HEMK2: variants seen among roughly 807,000 people sequenced by gnomAD.
HEMK2 encodes the protein methyltransferase HEMK2.
chr21:28,788,553 A>G, the HEMK2 span, among the ~76,000 whole-genome samples: 1 of 152,142 alleles, frequency 6.6e-6, no homozygotes, highest in African/African-American at 2.4e-5. Context: ...AAGGGATAAA[A>G]GACTACAAAT....
the HEMK2 span, among the ~76,000 whole-genome samples, chr21:28,628,208 C>T: frequency 2.0e-5 from 3 of 152,054 alleles, no homozygotes; most frequent in Non-Finnish European, 1.5e-5. Context: ...TGTATGTATA[C>T]AATACATACA....
the HEMK2 span, among the ~76,000 whole-genome samples, chr21:28,812,934 T>C: frequency 5.9e-5 from 9 of 152,350 alleles, no homozygotes; most frequent in East Asian, 9.7e-4. Flanking sequence ...GAGGTGTTTA[T>C]AGTACTCTCT....
the HEMK2 span, among the ~76,000 whole-genome samples, chr21:28,576,755 G>C: frequency 1.3e-5 from 2 of 152,106 alleles, no homozygotes; most frequent in Non-Finnish European, 2.9e-5. Flanking sequence ...GTGTCACCCA[G>C]GCTGGAGTAC....
At chr21:28,739,081 C>A in the HEMK2 span, among the ~76,000 whole-genome samples, 1 of 151,944 alleles carries the variant, frequency 6.6e-6, no homozygotes, top group Non-Finnish European at 1.5e-5. Flanking sequence ...TAAAATGAAA[C>A]CAAAAAAACC....
At chr21:28,660,997 T>C in the HEMK2 span, among the ~76,000 whole-genome samples, 2 of 152,126 alleles carry the variant, frequency 1.3e-5, no homozygotes, top group African/African-American at 2.4e-5. Flanking sequence ...CCATTTCTTC[T>C]AAATTTCCAA....
At chr21:28,679,536 C>T in the HEMK2 span, among the ~76,000 whole-genome samples, 29 of 152,188 alleles carry the variant, frequency 1.9e-4, no homozygotes, top group Middle Eastern at 3.4e-3. Context: ...AACTCAGCTC[C>T]GCACCAAGAG....
the HEMK2 span, chr21:28,879,767 C>CT: frequency 1.2e-6 from 1 of 834,096 alleles, no homozygotes; most frequent in Non-Finnish European, 1.8e-6. Flanking sequence ...TCAGAGTAGT[C>CT]TGTGATAGCA....
At chr21:28,808,357 A>C in the HEMK2 span, among the ~76,000 whole-genome samples, 1 of 151,844 alleles carries the variant, frequency 6.6e-6, no homozygotes, top group Admixed American at 6.6e-5. Context: ...GAAATGTTCT[A>C]GATCCCTTGC....
the HEMK2 span, among the ~76,000 whole-genome samples, chr21:28,823,024 A>G: frequency 6.6e-6 from 1 of 152,212 alleles, no homozygotes; most frequent in African/African-American, 2.4e-5. Flanking sequence ...GGCATGGCTC[A>G]GAAAACAAAA....
At chr21:28,668,292 G>A in the HEMK2 span, among the ~76,000 whole-genome samples, 1 of 152,126 alleles carries the variant, frequency 6.6e-6, no homozygotes, top group Non-Finnish European at 1.5e-5. Context: ...TGCTGCATAA[G>A]AAGCAATACC....
the HEMK2 span, among the ~76,000 whole-genome samples, chr21:28,842,712 C>A: frequency 6.6e-6 from 1 of 152,206 alleles, no homozygotes; most frequent in Admixed American, 6.5e-5. Context: ...CTAGTAGTCG[C>A]ATTTCCTTTT....
At chr21:28,663,262 C>T in the HEMK2 span, among the ~76,000 whole-genome samples, 3 of 152,192 alleles carry the variant, frequency 2.0e-5, no homozygotes, top group Admixed American at 6.5e-5. Context: ...CTGTGGAGGA[C>T]ACATGCCTGT....
the HEMK2 span, among the ~76,000 whole-genome samples, chr21:28,710,621 C>A: frequency 1.3e-5 from 2 of 152,168 alleles, no homozygotes; most frequent in South Asian, 4.1e-4. Context: ...GAAATCACAT[C>A]ACCTTAAAAA....
chr21:28,693,685 T>C, the HEMK2 span, among the ~76,000 whole-genome samples: 5 of 152,208 alleles, frequency 3.3e-5, no homozygotes, highest in African/African-American at 1.2e-4. Context: ...AAAGCATGCT[T>C]TCTTCTTTAT....
At chr21:28,824,803 A>G in the HEMK2 span, among the ~76,000 whole-genome samples, 1 of 152,188 alleles carries the variant, frequency 6.6e-6, no homozygotes, top group African/African-American at 2.4e-5. Flanking sequence ...AAAGAAGGGA[A>G]TATCCTAAAG....
chr21:28,841,277 T>TAA, the HEMK2 span, among the ~76,000 whole-genome samples: 64 of 5,110 alleles, frequency 0.013, 1 homozygote, highest in East Asian at 0.3. Flanking sequence ...ATATTATATA[T>TAA]TATATATAAT....
At chr21:28,686,923 A>G in the HEMK2 span, among the ~76,000 whole-genome samples, 6 of 152,258 alleles carry the variant, frequency 3.9e-5, no homozygotes. Context: ...GTTTAATTTC[A>G]TCAGTGAGAG....
chr21:28,603,137 G>A, the HEMK2 span, among the ~76,000 whole-genome samples: 1 of 152,196 alleles, frequency 6.6e-6, no homozygotes, highest in Admixed American at 6.6e-5. Flanking sequence ...TACCCTTGCA[G>A]AATCAGGCTG....
chr21:28,647,839 A>G, the HEMK2 span, among the ~76,000 whole-genome samples: 2 of 152,226 alleles, frequency 1.3e-5, no homozygotes, highest in Admixed American at 6.5e-5. Flanking sequence ...AGTAGTGCTC[A>G]GAGGATGCAC....
Sources: gnomAD v4.1 joint callset for allele counts (sites outside exome capture counted in the v4.1 genomes callset) on GRCh38, gnomAD v4.1.1 for gene constraint, MANE v1.5 for transcripts, NCBI Gene and HGNC (gene_info 2026-07-23, HGNC 2026-07-21) for gene names.